KMT2A: variants seen among roughly 807,000 people sequenced by gnomAD.
The protein encoded by KMT2A is histone-lysine N-methyltransferase 2A.
Under a neutral mutation model 345.3 loss-of-function variants are expected in KMT2A, and 16 were observed. That is an observed-to-expected ratio of 0.05 (90% CI 0.03 to 0.07). The LOEUF (loss-of-function observed/expected upper bound fraction) is 0.07, where lower values mean the gene tolerates loss of function less well. Ranked by LOEUF, KMT2A falls within the 10% of genes least tolerant of loss-of-function variation. KMT2A has a pLI of 1.00. For missense variants in KMT2A, 3,272 were observed against 4,841.6 expected, an observed-to-expected ratio of 0.68 and a Z score of 9.62; for synonymous variants, 1,599 against 1,778.6, an observed-to-expected ratio of 0.90 and a Z score of 2.54.
intron 5 of KMT2A, among the ~76,000 whole-genome samples, chr11:118,479,465 G>C (rs1366536587): frequency 6.6e-6 from 1 of 152,234 alleles, no homozygotes; most frequent in East Asian, 1.9e-4. Context: ...TTAATATAAA[G>C]AACAGTTGGG....
At position 118,472,084 on chromosome 11, in the gene KMT2A, A is replaced by T. The variant is rs782795153; in HGVS notation, c.925A>T (p.Thr309Ser). Residue 309 changes from threonine (T) to serine (S), a missense_variant, in exon 3 of 36, where the codon ACA becomes TCA. Transcript: ENST00000534358. ...ACGACGGAGAGGAAGGCCTCCATCAACAGAAAGGATAAAGACCCCTTCGGG... is the reference window on the plus strand; with the variant it reads ...ACGACGGAGAGGAAGGCCTCCATCATCAGAAAGGATAAAGACCCCTTCGGG... The part of the protein sequence containing the change: ...IVRRRGRPPS[T>S]ERIKTPSGLL... 1 of 1,613,870 alleles carries T rather than the reference A, an allele frequency of 6.2e-7. No individual in the cohort carries two copies. The highest frequency in any genetic ancestry group is 8.5e-7 in the Non-Finnish European group (1 of 1,179,986).
Position 118,436,924 on chromosome 11 carries a change from G to T in KMT2A, c.412G>T (p.Gly138Trp), listed in dbSNP as rs782080138. ...RFRAVFGESG[G>W]GGGSGEDEQF... ...CCGGGCCGTGTTTGGGGAGAGCGGCGGGGGAGGCGGCAGCGGAGAGGTAAG... is the reference window on the plus strand; with the variant it reads ...CCGGGCCGTGTTTGGGGAGAGCGGCTGGGGAGGCGGCAGCGGAGAGGTAAG... Residue 138 changes from glycine to tryptophan, a missense_variant, in exon 1 of 36, where the codon GGG becomes TGG. By Grantham distance (184) the Gly-to-Trp change is radical (BLOSUM62 -2). This residue lies in a region of KMT2A where 412 missense variants were observed against 511.0 expected (regional missense o/e 0.81). Transcript: ENST00000534358. The surrounding 1 kb of genome is among the most constrained non-coding windows in gnomAD (Gnocchi z 6.9). 1 of 1,547,754 alleles carries T rather than the reference G, an allele frequency of 6.5e-7. No homozygotes were observed. The highest frequency in any genetic ancestry group is 8.7e-7 in the Non-Finnish European group (1 of 1,144,364).
chr11:118,436,698 C>CGCGGCG lies in KMT2A; in HGVS notation c.197_202dup (p.Ala66_Ala67dup), dbSNP rs781936420. The CGCGGCG allele has an allele frequency of 1.1e-5, 14 of 1,317,646 alleles. No homozygotes were observed. The East Asian group carries it at 1.8e-4, about 17-fold the overall frequency. The allele number at this position is 1,317,646 out of a possible 1,614,324, so 81.6% of individuals were successfully genotyped here. ...CCCCCTCCCCCCCGGCTGTGGCGGC[C>CGCGGCG]GCGGCGGCGGCGGCGGGAAGCAGCG... On this transcript the variant is annotated inframe_insertion, in exon 1 of 36. Transcript: ENST00000534358. This position sits in a 1 kb window ranked among gnomAD's most constrained non-coding sequence, Gnocchi z 6.9.
rs573953725 is a variant in KMT2A at position 118,469,437 on chromosome 11, T to C, written c.502+593T>C. 1.3e-4 allele frequency among the ~76,000 whole-genome samples: 20 copies of C among 152,332 alleles called. No individual in the cohort carries two copies. In the South Asian group the frequency reaches 4.1e-3, roughly 32 times the overall value. ...ATATTGGCATTATGTGAAACATTTT[T>C]ACCTGATTCTTGAAAGGCTGTATTA... On this transcript the variant is annotated intron_variant, in intron 2 of 35. Transcript: ENST00000534358.
At position 118,473,136 on chromosome 11, in the gene KMT2A, G is replaced by A. The variant is rs782502223; in HGVS notation, c.1977G>A (p.Glu659=). 7.4e-6 allele frequency: 12 copies of A among 1,614,126 alleles called. No homozygotes were observed. Among genetic ancestry groups the A allele is most frequent in the African/African-American group, 1.3e-5 (1 of 75,028 alleles). ...DNFRPPPLTP[E]DVGFASGFSA... is the part of the protein sequence containing the mutation. ...TCCGACCCCCTCCACTAACTCCCGA[G>A]GACGTTGGCTTTGCATCTGGTTTTT... Residue 659 remains glutamate (E), a synonymous_variant, in exon 3 of 36, where the codon GAG becomes GAA. Transcript: ENST00000534358. The surrounding 1 kb of genome is among the most constrained non-coding windows in gnomAD (Gnocchi z 5.2).
chr11:118,463,325 A>G (rs1187886426), intron 1 of KMT2A, among the ~76,000 whole-genome samples: 1 of 152,178 alleles, frequency 6.6e-6, no homozygotes, highest in Non-Finnish European at 1.5e-5. Flanking sequence ...TATTATATGT[A>G]TAGTTGCTTG....
rs1420961238 is a variant in KMT2A at position 118,526,656 on chromosome 11, T to C, written c.*4484T>C. 1 of 230,436 alleles carries C rather than the reference T, an allele frequency of 4.3e-6. No homozygotes were observed. Among genetic ancestry groups the C allele is most frequent in the Non-Finnish European group, 8.6e-6 (1 of 116,864 alleles). The allele number at this position is 230,436 out of a possible 1,614,324, so 14.3% of individuals were successfully genotyped here. On this transcript the variant is annotated 3_prime_UTR_variant, in exon 36 of 36. Coordinates refer to ENST00000534358, the MANE Select transcript of KMT2A (RefSeq NM_001197104.2). ...TCCCTGTGACAGGGATGAAGGAAAA[T>C]ACTTTAATAGTTCAAAAAATAATAA... is the stretch of plus-strand genomic sequence containing the variant.
Position 118,472,157 on chromosome 11 carries a change from A to C in KMT2A, c.998A>C (p.Asp333Ala). ...GAAAAGCCCCAGAAAGTCCGGAAAG[A>C]CAAGGAAGGAACACCTCCACTTACA... is the stretch of plus-strand genomic sequence containing the variant. The part of the protein sequence containing the change: ...ELEKPQKVRK[D>A]KEGTPPLTKE... The change falls in exon 3 of 36, where the codon GAC becomes GCC. Residue 333 changes from aspartate (D) to alanine (A), a missense_variant. By Grantham distance (126) the Asp-to-Ala change is moderately radical. Around this residue, in one of 27 missense-constraint regions of KMT2A, gnomAD observed 412 missense variants for 511.0 expected, o/e 0.81. Transcript: ENST00000534358. 1 of 1,614,114 alleles carries C rather than the reference A, an allele frequency of 6.2e-7. No individual in the cohort carries two copies. Among genetic ancestry groups the C allele is most frequent in the Non-Finnish European group, 8.5e-7 (1 of 1,180,034 alleles).
intron 3 of KMT2A, among the ~76,000 whole-genome samples, chr11:118,475,177 T>A (rs1470598272): frequency 3.9e-5 from 6 of 151,954 alleles, no homozygotes; most frequent in Non-Finnish European, 7.4e-5. Context: ...TAGAAGCACT[T>A]AGCCTTGAGC....
chr11:118,475,271 TA>T (rs1565281792), intron 3 of KMT2A, among the ~76,000 whole-genome samples: 1 of 152,200 alleles, frequency 6.6e-6, no homozygotes, highest in African/African-American at 2.4e-5. Context: ...GTTTTTTTTT[TA>T]TTGTTTTGTT....
rs141454478 is a variant in KMT2A, at chr11:118,473,546, T to C, written c.2387T>C (p.Phe796Ser). The C allele has an allele frequency of 1.2e-6, 2 of 1,614,022 alleles. No homozygotes were observed. Among genetic ancestry groups the C allele is most frequent in the African/African-American group, 1.3e-5 (1 of 74,916 alleles). ...GCCACTAGTGCCTTAAACCCAACTT[T>C]TACTTTTCCTTCTCATTCCCTGACT... ...PLATSALNPT[F>S]TFPSHSLTQS... is the part of the protein sequence containing the mutation. The change falls in exon 3 of 36, where the codon TTT (phenylalanine) becomes TCT (serine). Residue 796 changes from phenylalanine to serine, a missense_variant. By Grantham distance (155) the Phe-to-Ser change is radical. This residue lies in a region of KMT2A where 209 missense variants were observed against 237.4 expected (regional missense o/e 0.88). Transcript: ENST00000534358. The surrounding 1 kb of genome is among the most constrained non-coding windows in gnomAD (Gnocchi z 5.2).
Position 118,510,303 on chromosome 11 carries a change from C to T in KMT2A, c.11071+185C>T, listed in dbSNP as rs9332851. Among the ~76,000 whole-genome samples the T allele has an allele frequency of 0.016, 2,374 of 152,340 alleles. 37 individuals are homozygous for T. The highest frequency in any genetic ancestry group is 0.057 in the South Asian group (274 of 4,830). ...TTATTGGAGAAATAGCCATATTTTA[C>T]ATGAAAAGTTAATGATACAGATTAT... On this transcript the variant is annotated intron_variant, in intron 30 of 35. Transcript: ENST00000534358. The surrounding 1 kb of genome is among the most constrained non-coding windows in gnomAD (Gnocchi z 4.1).
chr11:118,459,693 T>C (rs1295292662), intron 1 of KMT2A, among the ~76,000 whole-genome samples: 1 of 150,814 alleles, frequency 6.6e-6, no homozygotes, highest in East Asian at 1.9e-4. Flanking sequence ...TGAAATGGAG[T>C]CTTGCTCCGT....
At chr11:118,450,359 TCTGAAGCAGGGTGGGTGGAGGTCAC>T (rs1158891631) in intron 1 of KMT2A, 1 of 152,240 alleles carries the variant, frequency 6.6e-6, no homozygotes, top group East Asian at 1.9e-4. Context: ...TACCTCTTTT[TCTGAAGCAGGGTGGGTGGAGGTCAC>T]CTGTCTCATT....
chr11:118,458,224 C>T (rs782067347), intron 1 of KMT2A: 8 of 329,966 alleles, frequency 2.4e-5, no homozygotes, highest in East Asian at 1.2e-4. Context: ...GCTGGGACTA[C>T]AGGCACCCAC....
chr11:118,448,930 T>C (rs1344490736), intron 1 of KMT2A: 4 of 152,092 alleles, frequency 2.6e-5, no homozygotes, highest in African/African-American at 9.7e-5. Context: ...CCTATAACTT[T>C]TAATTTCTTG....
intron 1 of KMT2A, among the ~76,000 whole-genome samples, chr11:118,463,072 A>AT (rs782198212): frequency 1.3e-5 from 2 of 152,130 alleles, no homozygotes; most frequent in Non-Finnish European, 2.9e-5. Context: ...AAAATGACTC[A>AT]TTAGGTTGTT....
chr11:118,485,287 T>C (rs914720226), intron 10 of KMT2A, among the ~76,000 whole-genome samples: 3 of 152,156 alleles, frequency 2.0e-5, no homozygotes, highest in African/African-American at 7.2e-5. Flanking sequence ...ATGCTATTGA[T>C]GGTTATTTTA....
At chr11:118,517,395 C>CAAAA (rs11436622) in intron 31 of KMT2A, among the ~76,000 whole-genome samples, 3 of 113,902 alleles carry the variant, frequency 2.6e-5, no homozygotes, top group African/African-American at 7.0e-5. Context: ...GACTCTGTCT[C>CAAAA]AAAAAAAAAA....
Sources: allele counts gnomAD v4.1 joint callset (sites outside exome capture counted in the v4.1 genomes callset), GRCh38; gene constraint gnomAD v4.1.1; regional missense constraint gnomAD v4.1.1; non-coding constraint Gnocchi (gnomAD v3.1); transcripts MANE v1.5; gene names NCBI Gene and HGNC (gene_info 2026-07-23, HGNC 2026-07-21).